The following FRMD4A variants were observed in gnomAD, a reference collection of about 807,000 sequenced individuals.
FRMD4A encodes FERM domain-containing protein 4A.
In FRMD4A, 29 loss-of-function variants were observed where a neutral mutation model predicts 129.1. The ratio of observed to expected loss-of-function variants is 0.22; its 90% CI spans 0.17 to 0.31. FRMD4A has a LOEUF of 0.31. Ranked by LOEUF, FRMD4A falls within the 10% of genes least tolerant of loss-of-function variation. The pLI is 1.00. For synonymous variants in FRMD4A, 634 were observed against 571.6 expected, an observed-to-expected ratio of 1.11 and a Z score of -1.56; for missense variants, 1,272 against 1,375.8, an observed-to-expected ratio of 0.92 and a Z score of 1.19.
rs1372926556 is a variant in FRMD4A at position 13,821,982 on chromosome 10, C to A, written c.112-11074G>T. Among the ~76,000 whole-genome samples, 1 of 151,888 alleles carries A rather than the reference C, an allele frequency of 6.6e-6. No individual in the cohort carries two copies. The highest frequency in any genetic ancestry group is 2.4e-5 in the African/African-American group (1 of 41,292). ...CAGAGCAGGTCTCGAAGATCCGAAG[C>A]AGGAAGGAAAGAAACAAAGTACATC... On this transcript the variant is annotated intron_variant, in intron 3 of 24. Coordinates refer to ENST00000357447, the MANE Select transcript of FRMD4A (RefSeq NM_018027.5). This position sits in a 1 kb window ranked among gnomAD's most constrained non-coding sequence, Gnocchi z 4.3.
At chr10:13,652,342 G>A (rs528028604) in intron 23 of FRMD4A, 39 of 266,626 alleles carry the variant, frequency 1.5e-4, no homozygotes, top group African/African-American at 8.0e-4. Context: ...GGACCCTGAG[G>A]AGGGCTTGTA....
chr10:14,144,907 G>A (rs565203368), intron 2 of FRMD4A, among the ~76,000 whole-genome samples: 1 of 152,258 alleles, frequency 6.6e-6, no homozygotes, highest in African/African-American at 2.4e-5. Context: ...TTGGATTTAG[G>A]CAAAGACGTG....
intron 8 of FRMD4A, among the ~76,000 whole-genome samples, chr10:13,755,044 T>C (rs2091800107): frequency 6.6e-6 from 1 of 152,242 alleles, no homozygotes; most frequent in Non-Finnish European, 1.5e-5. Flanking sequence ...ATACTAGGAA[T>C]TGTGATTTAC....
At chr10:13,958,735 A>G (rs2095427086) in intron 2 of FRMD4A, among the ~76,000 whole-genome samples, 1 of 149,392 alleles carries the variant, frequency 6.7e-6, no homozygotes, top group Non-Finnish European at 1.5e-5. Flanking sequence ...ACAGGCATGC[A>G]CCCCCACGCC....
At chr10:14,174,735 G>A (rs912200095) in intron 2 of FRMD4A, among the ~76,000 whole-genome samples, 2 of 152,142 alleles carry the variant, frequency 1.3e-5, no homozygotes, top group Non-Finnish European at 2.9e-5. Context: ...TTTCACACCT[G>A]GATAGTTAAC....
intron 2 of FRMD4A, among the ~76,000 whole-genome samples, chr10:13,972,597 C>T (rs1314557232): frequency 1.3e-5 from 2 of 151,958 alleles, no homozygotes; most frequent in Non-Finnish European, 2.9e-5. Context: ...TATTTTAATG[C>T]ATGTTGGGTA....
chr10:14,089,095 TG>T (rs1316397910), intron 2 of FRMD4A, among the ~76,000 whole-genome samples: 1 of 152,170 alleles, frequency 6.6e-6, no homozygotes, highest in African/African-American at 2.4e-5. Context: ...AGGAAGCCCA[TG>T]GAGTTGGCCC....
At chr10:13,811,588 A>G (rs557742768) in intron 3 of FRMD4A, among the ~76,000 whole-genome samples, 115 of 149,008 alleles carry the variant, frequency 7.7e-4, no homozygotes, top group Non-Finnish European at 1.4e-3. Flanking sequence ...AAAAAAAAAG[A>G]TATCTGCCAG....
At chr10:14,258,126 T>C (rs1211821146) in intron 2 of FRMD4A, among the ~76,000 whole-genome samples, 3 of 151,902 alleles carry the variant, frequency 2.0e-5, no homozygotes, top group Non-Finnish European at 4.4e-5. Context: ...TTGGAAAAGA[T>C]TTCTAAAATA....
chr10:14,180,794 T>C (rs1397634740), intron 2 of FRMD4A, among the ~76,000 whole-genome samples: 1 of 152,212 alleles, frequency 6.6e-6, no homozygotes, highest in Non-Finnish European at 1.5e-5. Context: ...GGCTCACCCA[T>C]GCGCAGTGAT....
intron 3 of FRMD4A, among the ~76,000 whole-genome samples, chr10:13,814,342 G>A (rs761846358): frequency 1.3e-5 from 2 of 151,850 alleles, no homozygotes; most frequent in Non-Finnish European, 1.5e-5. Context: ...TATAATCCCA[G>A]CACTTTGGGA....
chr10:13,802,129 C>G (rs546886331), intron 4 of FRMD4A, among the ~76,000 whole-genome samples: 1 of 151,416 alleles, frequency 6.6e-6, no homozygotes, highest in Admixed American at 6.6e-5. Context: ...GTAGGTCAAA[C>G]TGTCAGGTCA....
At chr10:13,929,127 G>C (rs1049364813) in intron 2 of FRMD4A, among the ~76,000 whole-genome samples, 1 of 152,206 alleles carries the variant, frequency 6.6e-6, no homozygotes, top group Non-Finnish European at 1.5e-5. Flanking sequence ...TTATTTGTGG[G>C]ATGGTAGCCT....
intron 2 of FRMD4A, among the ~76,000 whole-genome samples, chr10:13,997,779 C>T (rs1427583423): frequency 5.3e-5 from 8 of 152,076 alleles, no homozygotes; most frequent in East Asian, 1.9e-4. Context: ...AGTGCCACCA[C>T]ACCCAGCTAA....
Position 13,744,919 on chromosome 10 carries a change from G to A in FRMD4A, c.548+2817C>T, listed in dbSNP as rs527275522. Among the ~76,000 whole-genome samples the A allele has an allele frequency of 1.8e-4, 27 of 152,246 alleles. No homozygotes were observed. In the East Asian group the frequency reaches 3.1e-3, roughly 17 times the overall value. Reference sequence around the variant, plus strand: ...GAACAGCACTTATCCCTCTCCTTGCGGCTTTGCTTTTTAAAAATCTATGTA... The same window carrying A: ...GAACAGCACTTATCCCTCTCCTTGCAGCTTTGCTTTTTAAAAATCTATGTA... On this transcript the variant is annotated intron_variant, in intron 9 of 24. Transcript: ENST00000357447.
rs369035923 is a variant in FRMD4A at position 13,910,057 on chromosome 10, T to C, written c.46-51145A>G. 2.6e-5 allele frequency among the ~76,000 whole-genome samples: 4 copies of C among 152,220 alleles called. No individual in the cohort carries two copies. The East Asian group carries it at 7.7e-4, about 29-fold the overall frequency. On this transcript the variant is annotated intron_variant, in intron 2 of 24. Transcript: ENST00000357447. ...AACATTGTAAAAAATGGCCACTATCTCTCACTCCTTCCTGTTTCACGGCTT... is the reference window on the plus strand; with the variant it reads ...AACATTGTAAAAAATGGCCACTATCCCTCACTCCTTCCTGTTTCACGGCTT...
intron 2 of FRMD4A, among the ~76,000 whole-genome samples, chr10:14,079,041 T>C (rs1835775587): frequency 6.6e-6 from 1 of 152,216 alleles, no homozygotes; most frequent in South Asian, 2.1e-4. Context: ...CATCTCTAAG[T>C]GCTCTTTTGC....
chr10:14,327,091 C>T, intron 2 of FRMD4A: 2 of 397,432 alleles, frequency 5.0e-6, no homozygotes, highest in Admixed American at 4.4e-5. Flanking sequence ...GGACCCCTCC[C>T]AGCTGACCGC....
intron 4 of FRMD4A, among the ~76,000 whole-genome samples, chr10:13,797,193 A>G (rs1221608113): frequency 6.6e-6 from 1 of 151,944 alleles, no homozygotes; most frequent in East Asian, 1.9e-4. Context: ...TGTAATCAGA[A>G]CTCTCCTTCT....
Sources: gnomAD v4.1 joint callset for allele counts (sites outside exome capture counted in the v4.1 genomes callset) on GRCh38, gnomAD v4.1.1 for gene constraint, Gnocchi (gnomAD v3.1) non-coding constraint, MANE v1.5 for transcripts, NCBI Gene and HGNC (gene_info 2026-07-23, HGNC 2026-07-21) for gene names.